The following TRIP12 variants were observed in gnomAD, a reference collection of about 807,000 sequenced individuals.
TRIP12 encodes thyroid hormone receptor interactor 12, also known as E3 ubiquitin-protein ligase TRIP12.
Under a neutral mutation model 244.2 loss-of-function variants are expected in TRIP12, and 25 were observed. That is an observed-to-expected ratio of 0.10 (90% CI 0.07 to 0.14). The LOEUF (loss-of-function observed/expected upper bound fraction) is 0.14. Ranked by LOEUF, TRIP12 falls within the 10% of genes least tolerant of loss-of-function variation. The pLI, the probability that TRIP12 is intolerant of heterozygous loss-of-function variation, is 1.00. For missense variants in TRIP12, 1,677 were observed against 2,486.4 expected (o/e 0.67, Z 6.92); for synonymous variants, 905 against 873.1 (o/e 1.04, Z -0.64).
At chr2:229,800,570 A>C (rs947686913) in intron 21 of TRIP12, among the ~76,000 whole-genome samples, 1 of 152,226 alleles carries the variant, frequency 6.6e-6, no homozygotes, top group East Asian at 1.9e-4. Flanking sequence ...AGGATGAAAA[A>C]TGTAATTAAA....
At chr2:229,860,636 ATT>A (rs2060312119) in intron 2 of TRIP12, 105 bp from the exon 3 acceptor site, 7 of 1,053,406 alleles carry the variant, frequency 6.6e-6, no homozygotes, top group Non-Finnish European at 8.9e-6. Context: ...CCCACAATTC[ATT>A]GTTGACCCTA....
In TRIP12 at chr2:229,805,661, A is replaced by G. The variant is rs2045700345; in HGVS notation, c.2650+69T>C. ...TAAAAAGATACTTAATAAGCCAATT[A>G]TTATTTATTATGCAAACACAAAATA... is the stretch of plus-strand genomic sequence containing the variant. On this transcript the variant is annotated intron_variant, in intron 18 of 41. Transcript: ENST00000675903. The G allele has an allele frequency of 2.2e-6, 3 of 1,359,658 alleles. No homozygotes were observed. In the South Asian group the frequency reaches 6.3e-5, roughly 29 times the overall value. The allele number at this position is 1,359,658 out of a possible 1,614,324, so 84.2% of individuals were successfully genotyped here. A position where few individuals can be genotyped will look rare whatever the true frequency, so the allele number is the denominator to read the frequency against.
intron 23 of TRIP12, among the ~76,000 whole-genome samples, 184 bp downstream of exon 23, chr2:229,798,691 A>G (rs751348835): frequency 8.5e-5 from 13 of 152,230 alleles, no homozygotes; most frequent in Non-Finnish European, 1.0e-4. Context: ...ACTGGAACTT[A>G]GGACAAAGCC....
intron 1 of TRIP12, among the ~76,000 whole-genome samples, chr2:229,908,467 G>A (rs577842894): frequency 5.3e-5 from 8 of 152,302 alleles, no homozygotes; most frequent in Non-Finnish European, 1.0e-4. Context: ...ATTTTAGGCC[G>A]GGCGCGGTGG....
intron 13 of TRIP12, among the ~76,000 whole-genome samples, chr2:229,812,811 ACAAAAC>A (rs1355929150): frequency 6.7e-6 from 1 of 149,644 alleles, no homozygotes; most frequent in African/African-American, 2.5e-5. Context: ...AAAAACAAAA[ACAAAAC>A]AGAACAAAAA....
intron 8 of TRIP12, among the ~76,000 whole-genome samples, chr2:229,824,783 CAGA>C (rs2051071596): frequency 6.6e-6 from 1 of 152,054 alleles, no homozygotes. Context: ...AAGTAAATAA[CAGA>C]AGGACAAGGC....
chr2:229,818,589 T>C (rs2049086873), intron 8 of TRIP12, 77 bp from the exon 9 acceptor site: 10 of 1,378,210 alleles, frequency 7.3e-6, no homozygotes, highest in Non-Finnish European at 8.9e-6. Flanking sequence ...ACTCGAAATG[T>C]AATTGGTTGC....
Position 229,785,748 on chromosome 2 carries a change from C to CA in TRIP12, c.5094+8dup, listed in dbSNP as rs760004296. On this transcript the variant is annotated intron_variant, in intron 34 of 41. Coordinates refer to ENST00000675903, the MANE Select transcript of TRIP12 (RefSeq NM_001348323.3). ...AAGCTAAATAACCATCACCAGACTC[C>CA]AAGCTCACCTCATTTTCATACTGGA... The CA allele has an allele frequency of 4.3e-6, 7 of 1,612,500 alleles. No homozygotes were observed. Among genetic ancestry groups the CA allele is most frequent in the Non-Finnish European group, 5.9e-6 (7 of 1,179,332 alleles).
rs1161064490 is a variant in TRIP12 at position 229,855,622 on chromosome 2, A to G, written c.1027+3150T>C. On this transcript the variant is annotated intron_variant, in intron 4 of 41. Coordinates refer to ENST00000675903, the MANE Select transcript of TRIP12 (RefSeq NM_001348323.3). ...AGGGTTTAAAAAAAAAAAAAAAAAAAAAGAGAAAAGAAAATGCTTCATTCA... is the reference window on the plus strand; with the variant it reads ...AGGGTTTAAAAAAAAAAAAAAAAAAGAAGAGAAAAGAAAATGCTTCATTCA... Among the ~76,000 whole-genome samples, 159 of 131,500 alleles carry G rather than the reference A, an allele frequency of 1.2e-3. 1 individual carries two copies. The highest frequency in any genetic ancestry group is 3.6e-3 in the South Asian group (13 of 3,576). 86.3% of individuals were successfully genotyped at this position (131,500 alleles called of 152,430 possible).
In TRIP12 at chr2:229,778,825, C is replaced by T. The variant is rs748020718; in HGVS notation, c.5209+51G>A. 1 of 1,509,114 alleles carries T rather than the reference C, an allele frequency of 6.6e-7. No homozygotes were observed. Among genetic ancestry groups the T allele is most frequent in the Non-Finnish European group, 9.2e-7 (1 of 1,086,312 alleles). 93.5% of individuals were successfully genotyped at this position (1,509,114 alleles called of 1,614,324 possible). ...ATATGTCTAATAAACTGTCAGAGTC[C>T]ATTACCTGATCTGAGTAACACAAAC... On this transcript the variant is annotated intron_variant, in intron 35 of 41. Coordinates refer to ENST00000675903, the MANE Select transcript of TRIP12 (RefSeq NM_001348323.3). The surrounding 1 kb of genome is among the most constrained non-coding windows in gnomAD (Gnocchi z 4.1).
At chr2:229,769,141 G>T in intron 40 of TRIP12, 90 bp downstream of exon 40, 1 of 1,104,460 alleles carries the variant, frequency 9.1e-7, no homozygotes, top group Non-Finnish European at 1.3e-6. Flanking sequence ...AACTTTTGTT[G>T]TTTACACATG....
At chr2:229,820,880 G>A (rs970471270) in intron 8 of TRIP12, among the ~76,000 whole-genome samples, 13 of 152,102 alleles carry the variant, frequency 8.5e-5, no homozygotes, top group African/African-American at 2.9e-4. Context: ...ATGAGCCACC[G>A]CGCCTGGCCC....
At chr2:229,787,809 T>C (rs1290170770) in intron 32 of TRIP12, 148 bp from the exon 33 acceptor site, 1 of 786,190 alleles carries the variant, frequency 1.3e-6, no homozygotes, top group Non-Finnish European at 1.8e-6. Flanking sequence ...TCAATTTATT[T>C]ATTTATTTTG....
intron 5 of TRIP12, among the ~76,000 whole-genome samples, chr2:229,839,009 C>G (rs1024411405): frequency 6.6e-6 from 1 of 152,170 alleles, no homozygotes; most frequent in Non-Finnish European, 1.5e-5. Context: ...ATCATTCCCC[C>G]CTGCATTACT....
rs954681857 is a variant in TRIP12, at chr2:229,859,322, G to A, written c.477C>T (p.Asp159=). 1.2e-6 allele frequency: 2 copies of A among 1,614,200 alleles called. No homozygotes were observed. The highest frequency in any genetic ancestry group is 1.1e-5 in the South Asian group (1 of 91,082). ...GTGCAGATTTCAGTTGTTGCTCCTG[G>A]TCTAAATGTCTCTTCTTTGACTTAC... ...PHSKSKKRHL[D]QEQQLKSAQS... is the part of the protein sequence containing the mutation. The change falls in exon 4 of 42, where the codon GAC becomes GAT. Residue 159 remains aspartate, a synonymous_variant. Coordinates refer to ENST00000675903, the MANE Select transcript of TRIP12 (RefSeq NM_001348323.3).
chr2:229,802,812 G>A (rs544871209), intron 20 of TRIP12, among the ~76,000 whole-genome samples: 2 of 152,226 alleles, frequency 1.3e-5, no homozygotes, highest in East Asian at 1.9e-4. Flanking sequence ...TGGTGTGACA[G>A]CCAGAAGGGA....
chr2:229,823,763 G>A (rs1371681698), intron 8 of TRIP12, among the ~76,000 whole-genome samples: 5 of 152,012 alleles, frequency 3.3e-5, no homozygotes, highest in African/African-American at 4.8e-5. Context: ...GAAGCGGGAG[G>A]ATCACTTGAG....
chr2:229,898,187 T>A (rs186327371), intron 1 of TRIP12, among the ~76,000 whole-genome samples: 110 of 152,352 alleles, frequency 7.2e-4, no homozygotes, highest in African/African-American at 2.5e-3. Flanking sequence ...CACACATTGA[T>A]AAGTCAATGT....
chr2:229,921,444 A>AC (rs1379440377), intron 1 of TRIP12: 1 of 100,646 alleles, frequency 9.9e-6, no homozygotes, highest in African/African-American at 3.8e-5. Flanking sequence ...CCGTCTTCAC[A>AC]CCCCCCACCT....
Sources: allele counts gnomAD v4.1 joint callset (sites outside exome capture counted in the v4.1 genomes callset), GRCh38; gene constraint gnomAD v4.1.1; non-coding constraint Gnocchi (gnomAD v3.1); transcripts MANE v1.5; gene names NCBI Gene and HGNC (gene_info 2026-07-23, HGNC 2026-07-21).